Variants in CELF6 observed in about 807,000 individuals in gnomAD.
CELF6 encodes Bruno -like 6, RNA binding protein.
In CELF6, 32 loss-of-function variants were observed where a neutral mutation model predicts 53.1. That is an observed-to-expected ratio of 0.60 (90% CI 0.46 to 0.81). The LOEUF is 0.81. Among genes scored for constraint, CELF6 ranks in the 30% least tolerant of loss-of-function variants. CELF6 has a pLI of 0.00. For synonymous variants in CELF6, 291 were observed against 288.8 expected (o/e 1.01, Z -0.08); for missense variants, 539 against 669.5 (o/e 0.81, Z 2.15).
intron 3 of CELF6, among the ~76,000 whole-genome samples, chr15:72,295,262 G>A (rs1364243742): frequency 1.3e-5 from 2 of 152,090 alleles, no homozygotes; most frequent in African/African-American, 4.8e-5. Flanking sequence ...TTGAACCTGG[G>A]AGGTGGAGGT....
chr15:72,288,034 C>T lies in CELF6; in HGVS notation c.1318+274G>A, dbSNP rs921009771. Among the ~76,000 whole-genome samples, 5 of 152,206 alleles carry T rather than the reference C, an allele frequency of 3.3e-5. No homozygotes were observed. The highest frequency in any genetic ancestry group is 7.4e-5 in the Non-Finnish European group (5 of 68,002). On this transcript the variant is annotated intron_variant, in intron 11 of 12. Coordinates refer to ENST00000287202, the MANE Select transcript of CELF6 (RefSeq NM_052840.5). This position sits in a 1 kb window ranked among gnomAD's most constrained non-coding sequence, Gnocchi z 4.6. The stretch of plus-strand genomic sequence containing the variant: ...TGTATTTTTAGTGGAGACGGGATTT[C>T]GCCATGTTGGCCAGGCTAGTCCCAA...
intron 3 of CELF6, among the ~76,000 whole-genome samples, chr15:72,294,165 G>C (rs1411601860): frequency 1.3e-5 from 2 of 152,198 alleles, no homozygotes; most frequent in African/African-American, 4.8e-5. Flanking sequence ...TTCAGAAAGG[G>C]CACCAGGATG....
chr15:72,310,981 C>G (rs569850338), intron 2 of CELF6, among the ~76,000 whole-genome samples: 1 of 152,132 alleles, frequency 6.6e-6, no homozygotes, highest in Non-Finnish European at 1.5e-5. Flanking sequence ...CTTTGCTAGA[C>G]ACCTTCCCTG....
rs140906372 is a variant in CELF6, at chr15:72,302,818, C to T, written c.394+1928G>A. Reference sequence around the variant, plus strand: ...TCTCTCCTCTTTTCTCTGACTACTTCCTATTCATCCTTGAGGTCTCAGCTT... The same window carrying T: ...TCTCTCCTCTTTTCTCTGACTACTTTCTATTCATCCTTGAGGTCTCAGCTT... On this transcript the variant is annotated intron_variant, in intron 3 of 12. Coordinates refer to ENST00000287202, the MANE Select transcript of CELF6 (RefSeq NM_052840.5). Among the ~76,000 whole-genome samples the T allele has an allele frequency of 1.1e-3, 167 of 152,332 alleles. 1 individual carries two copies. Among genetic ancestry groups the T allele is most frequent in the Non-Finnish European group, 5.6e-4 (38 of 68,032 alleles).
rs984879836 is a variant in CELF6 at position 72,314,589 on chromosome 15, G to GTTTTTTTTTTTTTT, written c.345+1242_345+1255dup. Reference sequence around the variant, plus strand: ...AGGTCTGTGAGACTCAAAACCCAGTGTTTTTTTTTTTTTTTTTTTTTTTGA... The same window carrying GTTTTTTTTTTTTTT: ...AGGTCTGTGAGACTCAAAACCCAGTGTTTTTTTTTTTTTTTTTTTTTTTTTTTTTTTTTTTTTGA... On this transcript the variant is annotated intron_variant, in intron 2 of 12. Transcript: ENST00000287202. 8.6e-4 allele frequency among the ~76,000 whole-genome samples: 84 copies of GTTTTTTTTTTTTTT among 97,840 alleles called. 5 individuals are homozygous for GTTTTTTTTTTTTTT. Among genetic ancestry groups the GTTTTTTTTTTTTTT allele is most frequent in the African/African-American group, 3.9e-3 (81 of 20,710 alleles). 64.2% of individuals were successfully genotyped at this position (97,840 alleles called of 152,430 possible).
At chr15:72,300,428 T>C (rs1379464714) in intron 3 of CELF6, among the ~76,000 whole-genome samples, 2 of 150,536 alleles carry the variant, frequency 1.3e-5, no homozygotes, top group Non-Finnish European at 3.0e-5. Context: ...AAATATACAA[T>C]ATGTATGTTG....
At position 72,289,340 on chromosome 15, in the gene CELF6, C is replaced by T. The variant is rs1228773334; in HGVS notation, c.880+35G>A. 3 of 1,540,050 alleles carry T rather than the reference C, an allele frequency of 1.9e-6. No individual in the cohort carries two copies. Among genetic ancestry groups the T allele is most frequent in the Admixed American group, 2.0e-5 (1 of 50,688 alleles). ...GGCCGCCACCCCGCCCCGCCCGGCCCCTCCCAGGCGCGCCCCAGTCCCTGG... is the reference window on the plus strand; with the variant it reads ...GGCCGCCACCCCGCCCCGCCCGGCCTCTCCCAGGCGCGCCCCAGTCCCTGG... On this transcript the variant is annotated intron_variant, in intron 7 of 12. Coordinates refer to ENST00000287202, the MANE Select transcript of CELF6 (RefSeq NM_052840.5). This position sits in a 1 kb window ranked among gnomAD's most constrained non-coding sequence, Gnocchi z 7.6.
chr15:72,289,962 G>C lies in CELF6; in HGVS notation c.580C>G (p.Leu194Val). The C allele has an allele frequency of 1.9e-6, 3 of 1,578,890 alleles. No individual in the cohort carries two copies. In the Admixed American group the frequency reaches 5.4e-5, roughly 28 times the overall value. Residue 194 changes from leucine to valine, a missense_variant, in exon 5 of 13, where the codon CTG (leucine) becomes GTG (valine). Leu to Val is a conservative substitution (Grantham distance 32). Coordinates refer to ENST00000287202, the MANE Select transcript of CELF6 (RefSeq NM_052840.5). The surrounding 1 kb of genome is among the most constrained non-coding windows in gnomAD (Gnocchi z 7.6). Reference sequence around the variant, plus strand: ...ACCGCCATGGTCCGGCTGCCGTGCAGACCCCGGATGGCCGCCTGAGCTTCC... The same window carrying C: ...ACCGCCATGGTCCGGCTGCCGTGCACACCCCGGATGGCCGCCTGAGCTTCC... ...QGEAQAAIRG[L>V]HGSRTMAGAS...
At chr15:72,307,364 T>C (rs1381711136) in intron 2 of CELF6, among the ~76,000 whole-genome samples, 2 of 152,132 alleles carry the variant, frequency 1.3e-5, no homozygotes, top group Non-Finnish European at 2.9e-5. Flanking sequence ...TTTCCTGAAC[T>C]CTGTGATGAG....
Position 72,288,070 on chromosome 15 carries a change from T to C in CELF6, c.1318+238A>G, listed in dbSNP as rs986397167. 2.0e-5 allele frequency among the ~76,000 whole-genome samples: 3 copies of C among 151,996 alleles called. No homozygotes were observed. The highest frequency in any genetic ancestry group is 7.2e-5 in the African/African-American group (3 of 41,390). ...CCAGGCTAGTCCCAAACTCCTGACCTCAAGTGATTCACCTGCCCTGGCCTC... is the reference window on the plus strand; with the variant it reads ...CCAGGCTAGTCCCAAACTCCTGACCCCAAGTGATTCACCTGCCCTGGCCTC... On this transcript the variant is annotated intron_variant, in intron 11 of 12. Transcript: ENST00000287202. The surrounding 1 kb of genome is among the most constrained non-coding windows in gnomAD (Gnocchi z 4.6).
chr15:72,316,684 CCT>C (rs956472496), intron 1 of CELF6, among the ~76,000 whole-genome samples: 3 of 152,168 alleles, frequency 2.0e-5, no homozygotes, highest in Non-Finnish European at 4.4e-5. Context: ...CAAGTTTAGC[CCT>C]CTGTTTGTTC....
chr15:72,319,585 T>C lies in CELF6; in HGVS notation c.262+28A>G. On this transcript the variant is annotated intron_variant, in intron 1 of 12. Transcript: ENST00000287202. This position sits in a 1 kb window ranked among gnomAD's most constrained non-coding sequence, Gnocchi z 5.0. Reference sequence around the variant, plus strand: ...GGCCACACTCTAATCGGATTGGGGCTGGGCTGGGCTGGGCTGACCCCGCGC... The same window carrying C: ...GGCCACACTCTAATCGGATTGGGGCCGGGCTGGGCTGGGCTGACCCCGCGC... 1.6e-6 allele frequency: 2 copies of C among 1,282,432 alleles called. No homozygotes were observed. Among genetic ancestry groups the C allele is most frequent in the Non-Finnish European group, 2.1e-6 (2 of 963,492 alleles). The allele number at this position is 1,282,432 out of a possible 1,614,324, so 79.4% of individuals were successfully genotyped here. A position where few individuals can be genotyped will look rare whatever the true frequency, so the allele number is the denominator to read the frequency against.
intron 12 of CELF6, 34 bp downstream of exon 12, chr15:72,287,203 G>T: frequency 6.3e-7 from 1 of 1,584,786 alleles, no homozygotes; most frequent in Non-Finnish European, 8.6e-7. Flanking sequence ...TCATCACTCA[G>T]GCCTCATCTA....
chr15:72,306,172 G>A (rs2088227766), intron 2 of CELF6: 1 of 975,176 alleles, frequency 1.0e-6, no homozygotes, highest in Admixed American at 6.1e-5. Flanking sequence ...GGGATCACAT[G>A]AGGTAATGGG....
intron 2 of CELF6, among the ~76,000 whole-genome samples, chr15:72,315,504 C>G (rs1216185363): frequency 6.6e-6 from 1 of 152,186 alleles, no homozygotes; most frequent in Non-Finnish European, 1.5e-5. Flanking sequence ...AGAACCTCTA[C>G]CCCATGTATC....
chr15:72,287,422 GGGA>G (rs2087936522), intron 11 of CELF6, 30 bp from the exon 12 acceptor site: 4 of 1,612,644 alleles, frequency 2.5e-6, no homozygotes, highest in Non-Finnish European at 3.4e-6. Flanking sequence ...AGATTAGCTG[GGGA>G]CTCTGCCTAG....
At chr15:72,296,882 C>T (rs1180319886) in intron 3 of CELF6, among the ~76,000 whole-genome samples, 2 of 152,156 alleles carry the variant, frequency 1.3e-5, no homozygotes, top group Non-Finnish European at 2.9e-5. Flanking sequence ...CTACAGAAAG[C>T]AGTATGGCAG....
chr15:72,312,056 A>C (rs1239752073), intron 2 of CELF6, among the ~76,000 whole-genome samples: 1 of 152,198 alleles, frequency 6.6e-6, no homozygotes, highest in Non-Finnish European at 1.5e-5. Context: ...AGGAACAGGG[A>C]GATAAACAAA....
intron 2 of CELF6, among the ~76,000 whole-genome samples, chr15:72,306,644 C>T (rs2088234957): frequency 6.6e-6 from 1 of 151,790 alleles, no homozygotes; most frequent in Non-Finnish European, 1.5e-5. Flanking sequence ...CACCCACCCG[C>T]TGGTGGTGGA....
Sources: gnomAD v4.1 joint callset for allele counts (sites outside exome capture counted in the v4.1 genomes callset) on GRCh38, gnomAD v4.1.1 for gene constraint, Gnocchi (gnomAD v3.1) non-coding constraint, MANE v1.5 for transcripts, NCBI Gene and HGNC (gene_info 2026-07-23, HGNC 2026-07-21) for gene names.